The following STXBP4 variants were observed in gnomAD, a reference collection of about 807,000 sequenced individuals.
The protein encoded by STXBP4 is syntaxin-binding protein 4.
Under a neutral mutation model 76.1 loss-of-function variants are expected in STXBP4, and 55 were observed. The observed-to-expected ratio is 0.72, with a 90% CI of 0.58 to 0.91. STXBP4 has a LOEUF of 0.91. Ranked by LOEUF, STXBP4 falls within the 40% of genes least tolerant of loss-of-function variation. The pLI is 0.00. For missense variants in STXBP4, 618 were observed against 636.9 expected (o/e 0.97, Z 0.32); for synonymous variants, 201 against 220.2 (o/e 0.91, Z 0.77).
chr17:55,129,583 A>G (rs973691578), intron 16 of STXBP4, among the ~76,000 whole-genome samples: 1 of 152,186 alleles, frequency 6.6e-6, no homozygotes, highest in Non-Finnish European at 1.5e-5. Flanking sequence ...AAAGAAAGAA[A>G]GAAAAGAAAA....
intron 1 of STXBP4, among the ~76,000 whole-genome samples, chr17:54,981,834 A>G (rs1274221953): frequency 6.6e-6 from 1 of 152,206 alleles, no homozygotes; most frequent in Non-Finnish European, 1.5e-5. Flanking sequence ...AACTGAACAG[A>G]GAAAGACCTA....
At chr17:55,073,973 A>G (rs2079151833) in intron 13 of STXBP4, among the ~76,000 whole-genome samples, 1 of 152,218 alleles carries the variant, frequency 6.6e-6, no homozygotes, top group East Asian at 1.9e-4. Context: ...AATACATACT[A>G]TATTCAGTGA....
In STXBP4 at chr17:55,082,257, A is replaced by T. The variant is rs1215614976; in HGVS notation, c.1489+1074A>T. On this transcript the variant is annotated intron_variant, in intron 16 of 17. Transcript: ENST00000376352. The stretch of plus-strand genomic sequence containing the variant: ...CATGAATGTAGACTGATACAGGAAC[A>T]TTGTGTTGTCATTTTAAATAGCATG... 3.9e-5 allele frequency among the ~76,000 whole-genome samples: 6 copies of T among 152,226 alleles called. No homozygotes were observed. The East Asian group carries it at 1.2e-3, about 29-fold the overall frequency.
intron 16 of STXBP4, among the ~76,000 whole-genome samples, chr17:55,083,170 T>A (rs2079278602): frequency 6.6e-6 from 1 of 151,890 alleles, no homozygotes; most frequent in Non-Finnish European, 1.5e-5. Context: ...AGACAGGGTC[T>A]CTCCATGTTG....
the STXBP4 span, among the ~76,000 whole-genome samples, chr17:55,197,256 G>A: frequency 4.6e-5 from 7 of 151,646 alleles, no homozygotes; most frequent in Admixed American, 1.3e-4. Context: ...CTGCTTAGAG[G>A]GAACACTCCA....
the STXBP4 span, among the ~76,000 whole-genome samples, chr17:55,210,911 G>T: frequency 3.9e-5 from 6 of 152,146 alleles, no homozygotes. Flanking sequence ...TCATCATTAA[G>T]AGTTCCCTTT....
chr17:55,161,070 T>A lies in STXBP4; in HGVS notation c.*1159T>A, dbSNP rs1275780542. Reference sequence around the variant, plus strand: ...AGACCTAGAGGTCCTTAGAACATAGTCTAAGAACCATTCATTGTAGCCATT... The same window carrying A: ...AGACCTAGAGGTCCTTAGAACATAGACTAAGAACCATTCATTGTAGCCATT... On this transcript the variant is annotated 3_prime_UTR_variant, in exon 18 of 18. Coordinates refer to ENST00000376352, the MANE Select transcript of STXBP4 (RefSeq NM_178509.6). 2 of 152,220 alleles carry A rather than the reference T, an allele frequency of 1.3e-5. No individual in the cohort carries two copies. Among genetic ancestry groups the A allele is most frequent in the Non-Finnish European group, 2.9e-5 (2 of 68,056 alleles). 9.4% of individuals were successfully genotyped at this position (152,220 alleles called of 1,614,324 possible).
chr17:55,125,891 C>T (rs947739847), intron 16 of STXBP4, among the ~76,000 whole-genome samples: 2 of 152,062 alleles, frequency 1.3e-5, no homozygotes, highest in Non-Finnish European at 2.9e-5. Flanking sequence ...GGGGAAATCC[C>T]GGAAAGAAGA....
chr17:55,072,862 A>G (rs1220752618), intron 12 of STXBP4, 38 bp from the exon 13 acceptor site: 8 of 1,548,272 alleles, frequency 5.2e-6, no homozygotes, highest in Admixed American at 4.1e-5. Context: ...ACTATTTCTT[A>G]TGTATTTTTT....
chr17:55,175,640 T>C (rs754169423), downstream of STXBP4, among the ~76,000 whole-genome samples: 3 of 152,182 alleles, frequency 2.0e-5, no homozygotes, highest in Non-Finnish European at 4.4e-5. Flanking sequence ...CTGGAAGCTA[T>C]CTCTCTGCTT....
chr17:55,112,796 A>G (rs2079735222), intron 16 of STXBP4, among the ~76,000 whole-genome samples: 1 of 152,110 alleles, frequency 6.6e-6, no homozygotes, highest in South Asian at 2.1e-4. Flanking sequence ...AGTTCAGAGG[A>G]GGAAGAGGGG....
At chr17:55,102,321 C>T (rs2079576863) in intron 16 of STXBP4, among the ~76,000 whole-genome samples, 1 of 152,120 alleles carries the variant, frequency 6.6e-6, no homozygotes. Flanking sequence ...GTTTCCCTCC[C>T]TGTGTCCATG....
chr17:55,010,658 T>A (rs1694607801), intron 8 of STXBP4, among the ~76,000 whole-genome samples: 1 of 152,166 alleles, frequency 6.6e-6, no homozygotes, highest in South Asian at 2.1e-4. Flanking sequence ...CTATGGAAGA[T>A]GCTTTGGGAT....
At chr17:54,999,914 T>A (rs899154453) in intron 6 of STXBP4, 72 bp downstream of exon 6, 2 of 983,936 alleles carry the variant, frequency 2.0e-6, no homozygotes, top group African/African-American at 1.7e-5. Context: ...ACATTGGTTA[T>A]GTACATATAG....
At chr17:55,089,387 ATGT>A (rs1246447310) in intron 16 of STXBP4, among the ~76,000 whole-genome samples, 1 of 152,206 alleles carries the variant, frequency 6.6e-6, no homozygotes. Context: ...GTATCATTTA[ATGT>A]TATTATTGAT....
the STXBP4 span, among the ~76,000 whole-genome samples, chr17:55,195,080 G>A: frequency 5.1e-4 from 77 of 152,322 alleles, no homozygotes; most frequent in Non-Finnish European, 1.8e-4. Context: ...AAAGCAATGA[G>A]TGAGAAATGT....
intron 1 of STXBP4, among the ~76,000 whole-genome samples, chr17:54,980,012 T>C (rs2077526414): frequency 6.9e-6 from 1 of 145,880 alleles, no homozygotes; most frequent in South Asian, 2.1e-4. Context: ...CATCTACTTA[T>C]TTGTTTGTGA....
chr17:55,026,860 A>ATGC lies in STXBP4; in HGVS notation c.667-4304_667-4302dup, dbSNP rs530376744. Among the ~76,000 whole-genome samples, 21 of 152,298 alleles carry ATGC rather than the reference A, an allele frequency of 1.4e-4. No individual in the cohort carries two copies. The South Asian group carries it at 4.4e-3, about 32-fold the overall frequency. On this transcript the variant is annotated intron_variant, in intron 8 of 17. Coordinates refer to ENST00000376352, the MANE Select transcript of STXBP4 (RefSeq NM_178509.6). Reference sequence around the variant, plus strand: ...GAGAACCAGGGGGCAAATGGGAAGTATGCTGCGGCCTCAGGCAGAGGAGCT... The same window carrying ATGC: ...GAGAACCAGGGGGCAAATGGGAAGTATGCTGCTGCGGCCTCAGGCAGAGGAGCT...
the STXBP4 span, among the ~76,000 whole-genome samples, chr17:55,182,588 A>G: frequency 2.9e-4 from 44 of 152,306 alleles, no homozygotes; most frequent in East Asian, 9.6e-4. Context: ...GATGTAATAT[A>G]TTAAGCCATA....
Sources: allele counts gnomAD v4.1 joint callset (sites outside exome capture counted in the v4.1 genomes callset), GRCh38; gene constraint gnomAD v4.1.1; transcripts MANE v1.5; gene names NCBI Gene and HGNC (gene_info 2026-07-23, HGNC 2026-07-21).